The following CCDC57 variants were observed in gnomAD, a reference collection of about 807,000 sequenced individuals.
CCDC57 encodes coiled-coil domain-containing protein 57.
CCDC57 carries 118 observed loss-of-function variants against 118.9 expected under a neutral mutation model. That is an observed-to-expected ratio of 0.99 (90% CI 0.86 to 1.16). The LOEUF (loss-of-function observed/expected upper bound fraction) is 1.16. Ranked by LOEUF, CCDC57 falls within the 50% of genes most tolerant of loss-of-function variation. CCDC57 has a pLI of 0.00. For missense variants in CCDC57, 1,300 were observed against 1,320.7 expected, an observed-to-expected ratio of 0.98 and a Z score of 0.24; for synonymous variants, 527 against 532.9, an observed-to-expected ratio of 0.99 and a Z score of 0.15.
At chr17:82,189,308 A>G (rs1442230714) in intron 7 of CCDC57, among the ~76,000 whole-genome samples, 1 of 114,644 alleles carries the variant, frequency 8.7e-6, no homozygotes, top group African/African-American at 3.1e-5. Context: ...ATAAATAAAA[A>G]ATTTAAAAAG....
intron 16 of CCDC57, among the ~76,000 whole-genome samples, chr17:82,139,807 C>G (rs1387290739): frequency 6.6e-6 from 1 of 152,148 alleles, no homozygotes; most frequent in Admixed American, 6.5e-5. Context: ...GACACTGAGC[C>G]CATCCCAGGA....
exon 13 of CCDC57, chr17:82,171,777 ATCT>A: frequency 6.2e-7 from 1 of 1,613,918 alleles, no homozygotes; most frequent in Non-Finnish European, 8.5e-7. Context: ...GATCCAACAC[ATCT>A]TCTAGATGCT....
At chr17:82,203,077 G>A (rs2049187225) in intron 2 of CCDC57, among the ~76,000 whole-genome samples, 1 of 152,242 alleles carries the variant, frequency 6.6e-6, no homozygotes, top group Non-Finnish European at 1.5e-5. Context: ...CCTGGTGGGA[G>A]GTGTTTGGAT....
intron 2 of CCDC57, among the ~76,000 whole-genome samples, chr17:82,206,498 A>G (rs929842921): frequency 1.3e-5 from 2 of 148,460 alleles, no homozygotes; most frequent in African/African-American, 4.9e-5. Context: ...GACTTCAGGA[A>G]GCCTCCCTAA....
At position 82,127,673 on chromosome 17, in the gene CCDC57, G is replaced by T. The variant is rs375113072; in HGVS notation, c.2899+19C>A. On this transcript the variant is annotated intron_variant, in intron 19 of 19. Coordinates refer to ENST00000665763, the Ensembl canonical transcript of CCDC57. ...CAGCTGCCAGCTGTGGGCAGCTCCT[G>T]GGGAGGGCAGTCTCCTACCTGGAGT... 63 of 1,581,090 alleles carry T rather than the reference G, an allele frequency of 4.0e-5. No individual in the cohort carries two copies. Among genetic ancestry groups the T allele is most frequent in the Non-Finnish European group, 5.2e-5 (61 of 1,163,732 alleles).
At chr17:82,164,237 C>A (rs2043703021) in intron 13 of CCDC57, among the ~76,000 whole-genome samples, 1 of 151,896 alleles carries the variant, frequency 6.6e-6, no homozygotes, top group Non-Finnish European at 1.5e-5. Flanking sequence ...AAAAATTAGC[C>A]AGGCGTGGTG....
chr17:82,113,660 G>T, intron 19 of CCDC57: 1 of 716,990 alleles, frequency 1.4e-6, no homozygotes, highest in Non-Finnish European at 2.6e-6. Flanking sequence ...CAGGCTGGGC[G>T]TGGGGCCCAC....
intron 19 of CCDC57, among the ~76,000 whole-genome samples, chr17:82,105,296 C>T (rs1056554214): frequency 6.6e-6 from 1 of 152,174 alleles, no homozygotes; most frequent in Admixed American, 6.5e-5. Flanking sequence ...GTGTCAAGGG[C>T]CCTTGTTCTG....
At chr17:82,179,256 C>T in intron 9 of CCDC57, 67 bp from the exon 9 acceptor site, 1 of 1,541,560 alleles carries the variant, frequency 6.5e-7, no homozygotes, top group East Asian at 2.3e-5. Flanking sequence ...AAAGCAGAGG[C>T]ACGATGGGAA....
intron 11 of CCDC57, among the ~76,000 whole-genome samples, chr17:82,174,394 A>G (rs1017010966): frequency 3.3e-5 from 5 of 152,208 alleles, no homozygotes; most frequent in African/African-American, 9.7e-5. Flanking sequence ...TCGCTACTTT[A>G]AATTTTGCCC....
At chr17:82,211,943 A>G (rs1174032700) in intron 1 of CCDC57, among the ~76,000 whole-genome samples, 5 of 152,128 alleles carry the variant, frequency 3.3e-5, no homozygotes, top group Non-Finnish European at 5.9e-5. Context: ...TTTTCCTGTA[A>G]CTGTTTCTGT....
At chr17:82,132,017 C>T (rs1303581294) in intron 17 of CCDC57, among the ~76,000 whole-genome samples, 1 of 150,316 alleles carries the variant, frequency 6.7e-6, no homozygotes, top group East Asian at 2.0e-4. Flanking sequence ...ACTTGGGAGG[C>T]TGAGGCAGGA....
At chr17:82,150,784 T>C (rs1425609382) in intron 16 of CCDC57, among the ~76,000 whole-genome samples, 87 of 37,640 alleles carry the variant, frequency 2.3e-3, no homozygotes, top group African/African-American at 2.8e-3. Context: ...CAGAACCTGG[T>C]GCACACCCAG....
intron 19 of CCDC57, among the ~76,000 whole-genome samples, chr17:82,104,061 G>A (rs1471742370): frequency 6.6e-6 from 1 of 152,240 alleles, no homozygotes; most frequent in Non-Finnish European, 1.5e-5. Context: ...GATGTGTCAA[G>A]GCGGCTGCCC....
At chr17:82,149,505 C>CA (rs1249465294) in intron 16 of CCDC57, among the ~76,000 whole-genome samples, 33 of 152,236 alleles carry the variant, frequency 2.2e-4, no homozygotes, top group Admixed American at 6.5e-4. Flanking sequence ...TCGCTGCTCA[C>CA]CACAGAGCCG....
chr17:82,207,455 T>A (rs2147001336), intron 2 of CCDC57: 1 of 152,238 alleles, frequency 6.6e-6, no homozygotes, highest in East Asian at 1.9e-4. Flanking sequence ...AAACCTAAGA[T>A]CAATCAGTGC....
chr17:82,206,548 T>C (rs1326723926), intron 2 of CCDC57, among the ~76,000 whole-genome samples: 1 of 142,038 alleles, frequency 7.0e-6, no homozygotes, highest in Non-Finnish European at 1.5e-5. Flanking sequence ...TCCTGGGGAG[T>C]GGTGGGTGGG....
intron 16 of CCDC57, among the ~76,000 whole-genome samples, chr17:82,140,717 C>G (rs776800362): frequency 3.3e-5 from 5 of 152,180 alleles, no homozygotes; most frequent in African/African-American, 4.8e-5. Flanking sequence ...CCCATTTAGT[C>G]AGTCACCAGC....
intron 17 of CCDC57, 26 bp downstream of exon 16, chr17:82,134,047 G>C (rs2038817960): frequency 7.4e-7 from 1 of 1,358,758 alleles, no homozygotes; most frequent in South Asian, 1.9e-5. Flanking sequence ...TTTTAAAAAT[G>C]CATGTCTTAG....
Sources: allele counts gnomAD v4.1 joint callset (sites outside exome capture counted in the v4.1 genomes callset), GRCh38; gene constraint gnomAD v4.1.1; transcripts MANE v1.5; gene names NCBI Gene and HGNC (gene_info 2026-07-23, HGNC 2026-07-21).